Variants in STPG2 observed in about 807,000 individuals in gnomAD.
STPG2 encodes the protein sperm-tail PG-rich repeat-containing protein 2.
STPG2 carries 56 observed loss-of-function variants against 54.2 expected under a neutral mutation model. That is an observed-to-expected ratio of 1.03 (90% CI 0.83 to 1.29). The LOEUF (loss-of-function observed/expected upper bound fraction) is 1.29. STPG2 is among the 50% of genes most tolerant of loss of function. The pLI, the probability that STPG2 is intolerant of heterozygous loss-of-function variation, is 0.00. For synonymous variants in STPG2, 200 were observed against 181.8 expected (o/e 1.10, Z -0.81); for missense variants, 596 against 544.9 (o/e 1.09, Z -0.93).
intron 4 of STPG2, among the ~76,000 whole-genome samples, chr4:97,476,122 A>G (rs1578327944): frequency 6.6e-6 from 1 of 152,216 alleles, no homozygotes; most frequent in East Asian, 1.9e-4. Flanking sequence ...TATTGTATTT[A>G]ATTTTTAATG....
chr4:97,754,439 C>T (rs374102849), intron 9 of STPG2, among the ~76,000 whole-genome samples: 3 of 152,250 alleles, frequency 2.0e-5, no homozygotes, highest in East Asian at 3.9e-4. Flanking sequence ...CATCAGAACA[C>T]TCATTCTATT....
intron 4 of STPG2, among the ~76,000 whole-genome samples, chr4:97,470,681 A>G (rs1191757209): frequency 6.6e-6 from 1 of 152,078 alleles, no homozygotes; most frequent in African/African-American, 2.4e-5. Flanking sequence ...TAAAAGTTAT[A>G]TGAATGTGGT....
chr4:97,862,611 A>G (rs773284180), intron 8 of STPG2, among the ~76,000 whole-genome samples: 3 of 152,302 alleles, frequency 2.0e-5, no homozygotes, highest in Non-Finnish European at 4.4e-5. Flanking sequence ...AGACATCTGC[A>G]GAACGGTCCA....
chr4:97,813,301 G>A (rs1727801486), intron 9 of STPG2, among the ~76,000 whole-genome samples: 2 of 152,064 alleles, frequency 1.3e-5, no homozygotes, highest in African/African-American at 4.8e-5. Flanking sequence ...CTACCTTAGT[G>A]ATAGGATCAT....
intron 8 of STPG2, among the ~76,000 whole-genome samples, chr4:97,904,806 G>C (rs1553923521): frequency 1.3e-5 from 2 of 152,216 alleles, no homozygotes; most frequent in Non-Finnish European, 2.9e-5. Context: ...ACTACGTGAA[G>C]AATGCAGAAG....
chr4:97,993,817 G>T (rs1167851637), intron 5 of STPG2, among the ~76,000 whole-genome samples: 2 of 152,030 alleles, frequency 1.3e-5, no homozygotes, highest in Non-Finnish European at 2.9e-5. Context: ...ATCTAAAAGG[G>T]TTGCCTATTT....
At chr4:97,806,760 T>C (rs1727580496) in intron 9 of STPG2, among the ~76,000 whole-genome samples, 1 of 152,274 alleles carries the variant, frequency 6.6e-6, no homozygotes, top group East Asian at 1.9e-4. Flanking sequence ...TTTTGTTTAA[T>C]ACAAAAAGAA....
At chr4:97,839,169 T>C (rs1460203070) in intron 9 of STPG2, among the ~76,000 whole-genome samples, 1 of 151,628 alleles carries the variant, frequency 6.6e-6, no homozygotes, top group Non-Finnish European at 1.5e-5. Context: ...GATAAGATCT[T>C]ATACTTCAAA....
intron 10 of STPG2, among the ~76,000 whole-genome samples, chr4:97,660,153 C>T (rs1722336677): frequency 6.6e-6 from 1 of 152,152 alleles, no homozygotes; most frequent in South Asian, 2.1e-4. Flanking sequence ...CAGGCGCCCA[C>T]CACTAAGCCC....
intron 10 of STPG2, among the ~76,000 whole-genome samples, chr4:97,599,886 C>A (rs1284587912): frequency 2.0e-5 from 3 of 151,234 alleles, no homozygotes; most frequent in African/African-American, 7.3e-5. Context: ...GGCACATATA[C>A]TCCATGAAAT....
chr4:97,698,354 G>A (rs1723652957), intron 10 of STPG2, among the ~76,000 whole-genome samples: 1 of 152,158 alleles, frequency 6.6e-6, no homozygotes, highest in African/African-American at 2.4e-5. Flanking sequence ...TTGTGGAGTA[G>A]TAGACTGATT....
At chr4:97,661,407 C>T (rs1722374314) in intron 10 of STPG2, among the ~76,000 whole-genome samples, 3 of 152,054 alleles carry the variant, frequency 2.0e-5, no homozygotes, top group Non-Finnish European at 4.4e-5. Flanking sequence ...ATAGTTGTGT[C>T]CTAAGGCCTT....
chr4:97,709,716 C>G (rs912392927), intron 10 of STPG2, among the ~76,000 whole-genome samples: 10 of 151,548 alleles, frequency 6.6e-5, no homozygotes, highest in African/African-American at 2.4e-4. Flanking sequence ...ATATTTGACT[C>G]GATCATTGTA....
chr4:97,936,054 G>A (rs938904526), intron 8 of STPG2, among the ~76,000 whole-genome samples: 7 of 152,100 alleles, frequency 4.6e-5, no homozygotes, highest in Non-Finnish European at 7.4e-5. Flanking sequence ...TTATGAATCT[G>A]GGTGCTCCTG....
intron 10 of STPG2, among the ~76,000 whole-genome samples, chr4:97,595,158 T>C (rs1733252589): frequency 6.6e-6 from 1 of 152,218 alleles, no homozygotes; most frequent in African/African-American, 2.4e-5. Context: ...CACATATGTT[T>C]ACTGCAGCAC....
chr4:97,566,799 G>A (rs553007520), intron 10 of STPG2, among the ~76,000 whole-genome samples: 3,467 of 148,210 alleles, frequency 0.023, 130 homozygotes, highest in African/African-American at 0.084. Context: ...ACCAAACACT[G>A]CATATTCTCA....
At chr4:97,834,750 C>T (rs779160068) in intron 9 of STPG2, among the ~76,000 whole-genome samples, 5 of 152,068 alleles carry the variant, frequency 3.3e-5, no homozygotes, top group African/African-American at 4.8e-5. Flanking sequence ...TCTCTGGCTG[C>T]TGCTCAGAAG....
intron 9 of STPG2, among the ~76,000 whole-genome samples, chr4:97,793,564 C>CA (rs1262583898): frequency 6.6e-6 from 1 of 151,682 alleles, no homozygotes. Flanking sequence ...AATCTTTTAC[C>CA]AAAGGGGTTT....
At chr4:97,633,739 C>T (rs1156292163) in intron 10 of STPG2, 3 of 153,272 alleles carry the variant, frequency 2.0e-5, no homozygotes, top group Non-Finnish European at 2.9e-5. Context: ...ACGGACAGCA[C>T]CTGGAAAATC....
Sources: allele counts gnomAD v4.1 joint callset (sites outside exome capture counted in the v4.1 genomes callset), GRCh38; gene constraint gnomAD v4.1.1; transcripts MANE v1.5; gene names NCBI Gene and HGNC (gene_info 2026-07-23, HGNC 2026-07-21).